The following OPRM1 variants were observed in gnomAD, a reference collection of about 807,000 sequenced individuals.
OPRM1 encodes the protein opioid receptor mu 1.
In OPRM1, 27 loss-of-function variants were observed where a neutral mutation model predicts 31.8. The ratio of observed to expected loss-of-function variants is 0.85; its 90% CI spans 0.63 to 1.17. The LOEUF (loss-of-function observed/expected upper bound fraction) is 1.17, where lower values mean the gene tolerates loss of function less well. Among genes scored for constraint, OPRM1 ranks in the 50% most tolerant of loss-of-function variants. The probability of loss-of-function intolerance (pLI) is 0.00; values close to 1 mark genes in which losing one functional copy is unlikely to be tolerated. For synonymous variants in OPRM1, 196 were observed against 189.9 expected (o/e 1.03, Z -0.26); for missense variants, 536 against 511.1 (o/e 1.05, Z -0.47).
chr6:154,238,414 C>T (rs1780309754), intron 3 of OPRM1, among the ~76,000 whole-genome samples: 1 of 151,996 alleles, frequency 6.6e-6, no homozygotes, highest in Non-Finnish European at 1.5e-5. Context: ...CACCACCATA[C>T]TGGGCTAATT....
At chr6:154,186,116 G>A (rs892376808) in intron 3 of OPRM1, among the ~76,000 whole-genome samples, 10 of 152,164 alleles carry the variant, frequency 6.6e-5, no homozygotes, top group African/African-American at 2.2e-4. Context: ...ACAACTATAT[G>A]CTGAAGATTA....
In OPRM1 at chr6:154,143,986, G is replaced by C. The variant is rs975830244; in HGVS notation, c.1164+52514G>C. On this transcript the variant is annotated intron_variant, in intron 3 of 3. Transcript: ENST00000337049. ...AATTACCAATATCAGAAATGAAACA[G>C]GGTTTTCAGTACAGACCTGCAGATA... Among the ~76,000 whole-genome samples the C allele has an allele frequency of 3.9e-5, 6 of 152,244 alleles. No individual in the cohort carries two copies. In the Middle Eastern group the frequency reaches 0.01, roughly 259 times the overall value.
At chr6:154,107,020 A>G (rs1747161214) in intron 3 of OPRM1, among the ~76,000 whole-genome samples, 1 of 152,240 alleles carries the variant, frequency 6.6e-6, no homozygotes, top group African/African-American at 2.4e-5. Flanking sequence ...TACTTCATTT[A>G]AAGGCTTATA....
At chr6:154,049,451 A>C (rs990122013) in intron 1 of OPRM1, among the ~76,000 whole-genome samples, 1 of 152,316 alleles carries the variant, frequency 6.6e-6, no homozygotes. Context: ...TTGCTGCTCT[A>C]TACATGTCCA....
intron 3 of OPRM1, among the ~76,000 whole-genome samples, chr6:154,241,744 T>C (rs1334888512): frequency 1.3e-5 from 2 of 152,104 alleles, no homozygotes; most frequent in Non-Finnish European, 2.9e-5. Context: ...AAACATCCAA[T>C]CTATTGCTGC....
At chr6:154,152,331 G>GA (rs748560205) in intron 3 of OPRM1, among the ~76,000 whole-genome samples, 3,782 of 50,496 alleles carry the variant, frequency 0.075, 128 homozygotes, top group African/African-American at 0.18. Context: ...AAGAAAGAAA[G>GA]AAAGAAAGAA....
intron 3 of OPRM1, among the ~76,000 whole-genome samples, chr6:154,099,044 C>T (rs180943815): frequency 6.6e-6 from 1 of 152,124 alleles, no homozygotes; most frequent in Admixed American, 6.5e-5. Flanking sequence ...TTTTGGGAGG[C>T]CGAGGCCAGT....
At chr6:154,055,396 A>G (rs965462217) in intron 1 of OPRM1, among the ~76,000 whole-genome samples, 3 of 151,190 alleles carry the variant, frequency 2.0e-5, no homozygotes, top group Admixed American at 6.7e-5. Flanking sequence ...TGAAAAAATT[A>G]ATGAATAAAC....
chr6:154,107,927 C>T, intron 3 of OPRM1: 1 of 655,238 alleles, frequency 1.5e-6, no homozygotes, highest in Non-Finnish European at 2.7e-6. Context: ...TTAATCAAAA[C>T]TTTACAGAGG....
chr6:154,060,404 T>C lies in OPRM1; in HGVS notation c.290+20570T>C, dbSNP rs546195121. Reference sequence around the variant, plus strand: ...TCCCACATTTTATTCATGACTCTTATCTGTAACTCTTTCTTTGCTTCTCAA... The same window carrying C: ...TCCCACATTTTATTCATGACTCTTACCTGTAACTCTTTCTTTGCTTCTCAA... On this transcript the variant is annotated intron_variant, in intron 1 of 3. Transcript: ENST00000330432. 1.6e-4 allele frequency among the ~76,000 whole-genome samples: 25 copies of C among 152,306 alleles called. 1 individual carries two copies. The highest frequency in any genetic ancestry group is 1.2e-3 in the Admixed American group (18 of 15,304).
chr6:154,149,596 TCG>T (rs1491446608), intron 3 of OPRM1, among the ~76,000 whole-genome samples: 1 of 121,704 alleles, frequency 8.2e-6, no homozygotes, highest in Non-Finnish European at 1.7e-5. Flanking sequence ...CCATTCTGGA[TCG>T]TGTGTGTGTG....
At chr6:154,068,924 T>G (rs1431695026) in intron 1 of OPRM1, among the ~76,000 whole-genome samples, 2 of 152,232 alleles carry the variant, frequency 1.3e-5, no homozygotes, top group African/African-American at 2.4e-5. Flanking sequence ...GATATCTCAT[T>G]GTAGTTTTGA....
intron 3 of OPRM1, among the ~76,000 whole-genome samples, chr6:154,218,334 T>C (rs1778580563): frequency 6.6e-6 from 1 of 152,228 alleles, no homozygotes; most frequent in African/African-American, 2.4e-5. Context: ...ACGAACTCTT[T>C]CATTACCCTT....
At chr6:154,169,099 G>T (rs922382606) in intron 3 of OPRM1, among the ~76,000 whole-genome samples, 1 of 149,954 alleles carries the variant, frequency 6.7e-6, no homozygotes, top group Non-Finnish European at 1.5e-5. Flanking sequence ...GGTGGCTCAC[G>T]CCTGTAATCC....
chr6:154,026,689 A>T (rs549084320), intron 1 of OPRM1, among the ~76,000 whole-genome samples: 5 of 152,234 alleles, frequency 3.3e-5, no homozygotes, highest in African/African-American at 1.2e-4. Flanking sequence ...GCCTGTCTTC[A>T]AGCTCACTAA....
chr6:154,190,255 T>C (rs1473670497), intron 3 of OPRM1, among the ~76,000 whole-genome samples: 1 of 151,720 alleles, frequency 6.6e-6, no homozygotes, highest in Non-Finnish European at 1.5e-5. Context: ...CATACAAAGA[T>C]TCAAAAGAAA....
intron 3 of OPRM1, among the ~76,000 whole-genome samples, chr6:154,198,228 T>C (rs920622759): frequency 2.0e-5 from 3 of 152,228 alleles, no homozygotes; most frequent in Non-Finnish European, 2.9e-5. Flanking sequence ...ACTTGCACCA[T>C]TGAACTCAAT....
At chr6:154,118,358 A>C (rs945937903) in intron 3 of OPRM1, among the ~76,000 whole-genome samples, 3 of 152,194 alleles carry the variant, frequency 2.0e-5, no homozygotes, top group Admixed American at 6.5e-5. Flanking sequence ...AGAGGGAGGA[A>C]GAGGGTAAAA....
chr6:154,220,560 C>T (rs953567070), intron 3 of OPRM1, among the ~76,000 whole-genome samples: 5 of 152,090 alleles, frequency 3.3e-5, no homozygotes, highest in East Asian at 1.9e-4. Flanking sequence ...GAGAATCATT[C>T]GAACTCAGGA....
Sources: allele counts gnomAD v4.1 joint callset (sites outside exome capture counted in the v4.1 genomes callset), GRCh38; gene constraint gnomAD v4.1.1; transcripts MANE v1.5; gene names NCBI Gene and HGNC (gene_info 2026-07-23, HGNC 2026-07-21).